The following DOCK7 variants were observed in gnomAD, a reference collection of about 807,000 sequenced individuals.
The protein encoded by DOCK7 is dedicator of cytokinesis protein 7.
Under a neutral mutation model 271.0 loss-of-function variants are expected in DOCK7, and 138 were observed. That is an observed-to-expected ratio of 0.51 (90% CI 0.44 to 0.59). The LOEUF (loss-of-function observed/expected upper bound fraction) is 0.59, where lower values mean the gene tolerates loss of function less well. Among genes scored for constraint, DOCK7 ranks in the 20% least tolerant of loss-of-function variants. DOCK7 has a pLI of 0.00. For missense variants in DOCK7, 2,066 were observed against 2,592.4 expected (o/e 0.80, Z 4.41); for synonymous variants, 823 against 876.1 (o/e 0.94, Z 1.07).
intron 21 of DOCK7, among the ~76,000 whole-genome samples, chr1:62,555,028 TAC>T (rs1646093540): frequency 6.6e-6 from 1 of 152,230 alleles, no homozygotes; most frequent in South Asian, 2.1e-4. Flanking sequence ...ATTAATGTCA[TAC>T]AGACATGTAT....
At chr1:62,604,175 G>A (rs774622274) in intron 14 of DOCK7, 13 of 1,613,146 alleles carry the variant, frequency 8.1e-6, no homozygotes, top group Non-Finnish European at 1.0e-5. Context: ...CAAAGATTTG[G>A]TGTTTTCTAC....
chr1:62,513,983 C>A, intron 31 of DOCK7, 85 bp from the exon 32 acceptor site: 1 of 1,241,736 alleles, frequency 8.1e-7, no homozygotes, highest in South Asian at 1.6e-5. Flanking sequence ...CTTCTAAAAA[C>A]AATAAAACAA....
chr1:62,459,096 A>C (rs543860015), intron 48 of DOCK7: 2 of 152,316 alleles, frequency 1.3e-5, no homozygotes, highest in South Asian at 4.1e-4. Flanking sequence ...AAAAATTGCA[A>C]AAGTTGGTTC....
intron 44 of DOCK7, among the ~76,000 whole-genome samples, chr1:62,477,281 C>G (rs148406834): frequency 6.6e-6 from 1 of 152,154 alleles, no homozygotes; most frequent in South Asian, 2.1e-4. Context: ...CTTTTACGTT[C>G]TAAAGATACC....
rs777731792 is a variant in DOCK7, at chr1:62,455,483, T to TA, written c.6381-28dup. On this transcript the variant is annotated intron_variant, in intron 49 of 49. Transcript: ENST00000635253. ...TGGGAAAAAAATGAGAGGACATAGT[T>TA]AGTTAAAGAGAACAATTTTTGCATA... 1.9e-6 allele frequency: 3 copies of TA among 1,609,290 alleles called. No individual in the cohort carries two copies. In the African/African-American group the frequency reaches 4.1e-5, roughly 22 times the overall value.
At chr1:62,642,172 G>A (rs1162728401) in intron 7 of DOCK7, among the ~76,000 whole-genome samples, 3 of 150,082 alleles carry the variant, frequency 2.0e-5, no homozygotes, top group African/African-American at 7.4e-5. Flanking sequence ...GCAATGGTGT[G>A]ATCTCTACTC....
At chr1:62,507,372 C>T (rs763709634) in intron 35 of DOCK7, among the ~76,000 whole-genome samples, 1 of 152,168 alleles carries the variant, frequency 6.6e-6, no homozygotes, top group Non-Finnish European at 1.5e-5. Flanking sequence ...CATCTTTGTG[C>T]CTAAGTGTTC....
rs1369787160 is a variant in DOCK7, at chr1:62,494,442, G to A, written c.5050C>T (p.Pro1684Ser). The change falls in exon 40 of 50, where the codon CCA (proline) becomes TCA (serine). Residue 1684 changes from proline to serine, a missense_variant. By Grantham distance (74) the Pro-to-Ser change is moderately conservative. Transcript: ENST00000635253. The part of the protein sequence containing the change: ...YRIAKGYQTS[P>S]DLRLTWLQNM... ...TGCAACCAGGTCAATCGCAGATCTG[G>A]AGAGGTCTGGTAACCCTTGGCAATT... 1 of 1,610,908 alleles carries A rather than the reference G, an allele frequency of 6.2e-7. No homozygotes were observed. Among genetic ancestry groups the A allele is most frequent in the Non-Finnish European group, 8.5e-7 (1 of 1,177,678 alleles).
intron 1 of DOCK7, among the ~76,000 whole-genome samples, chr1:62,685,418 G>A (rs906785346): frequency 6.6e-6 from 1 of 152,138 alleles, no homozygotes; most frequent in African/African-American, 2.4e-5. Context: ...TGATAACAAG[G>A]AAGAACCTTT....
intron 8 of DOCK7, among the ~76,000 whole-genome samples, chr1:62,636,034 C>T (rs945975339): frequency 6.6e-6 from 1 of 152,164 alleles, no homozygotes; most frequent in Non-Finnish European, 1.5e-5. Flanking sequence ...GGGCGGATCA[C>T]GAGGTCAGAA....
chr1:62,576,272 G>C (rs1646938770), intron 18 of DOCK7, among the ~76,000 whole-genome samples: 1 of 152,202 alleles, frequency 6.6e-6, no homozygotes, highest in South Asian at 2.1e-4. Context: ...AGTGGGAGAG[G>C]CTGCTATTTA....
chr1:62,517,925 C>T (rs898795961), intron 31 of DOCK7, among the ~76,000 whole-genome samples: 3 of 151,970 alleles, frequency 2.0e-5, no homozygotes, highest in Non-Finnish European at 2.9e-5. Context: ...TGTAACAGCC[C>T]GAAACTACAA....
At chr1:62,666,149 G>GCC (rs1659294373) in intron 1 of DOCK7, among the ~76,000 whole-genome samples, 5 of 152,088 alleles carry the variant, frequency 3.3e-5, no homozygotes, top group Non-Finnish European at 5.9e-5. Flanking sequence ...GGGCGACAGA[G>GCC]TGAGACTCTG....
intron 4 of DOCK7, 34 bp downstream of exon 4, chr1:62,653,691 T>C (rs368546060): frequency 9.1e-6 from 12 of 1,317,852 alleles, no homozygotes; most frequent in Middle Eastern, 1.9e-4. Context: ...TCTTACTCAA[T>C]ATTTGTAAAT....
chr1:62,622,759 T>C (rs969231588), intron 12 of DOCK7, among the ~76,000 whole-genome samples: 1 of 151,996 alleles, frequency 6.6e-6, no homozygotes, highest in East Asian at 1.9e-4. Context: ...TGAAACCCTG[T>C]CTCTACTAAA....
At chr1:62,675,811 C>A (rs1660492922) in intron 1 of DOCK7, among the ~76,000 whole-genome samples, 2 of 151,836 alleles carry the variant, frequency 1.3e-5, no homozygotes, top group African/African-American at 4.8e-5. Flanking sequence ...AGGCACTAGT[C>A]ATTAGGAAAA....
At chr1:62,587,494 C>T (rs1002983909) in intron 14 of DOCK7, among the ~76,000 whole-genome samples, 2 of 151,990 alleles carry the variant, frequency 1.3e-5, no homozygotes, top group African/African-American at 4.8e-5. Context: ...TTTGACCCAA[C>T]AAACACACCT....
At position 62,663,040 on chromosome 1, in the gene DOCK7, T is replaced by C. The variant is rs763114478; in HGVS notation, c.129A>G (p.Ile43Met). 1.2e-6 allele frequency: 2 copies of C among 1,611,536 alleles called. No homozygotes were observed. Among genetic ancestry groups the C allele is most frequent in the Admixed American group, 3.3e-5 (2 of 60,004 alleles). ...CGTTACTTACTGTGGTGTGATGGGA[T>C]ATATTGCCAACAATATTAAGGTTTT... is the stretch of plus-strand genomic sequence containing the variant. Reference protein sequence around the residue: ...LLKNLNIVGNISHHTTVPLTE... With the variant: ...LLKNLNIVGNMSHHTTVPLTE... The change falls in exon 2 of 50, where the codon ATA becomes ATG. Residue 43 changes from isoleucine to methionine, a missense_variant. Coordinates refer to ENST00000635253, the MANE Select transcript of DOCK7 (RefSeq NM_001367561.1).
At chr1:62,630,320 TGGCTGTGGTTTTC>T (rs1654463172) in intron 11 of DOCK7, among the ~76,000 whole-genome samples, 1 of 152,176 alleles carries the variant, frequency 6.6e-6, no homozygotes, top group South Asian at 2.1e-4. Flanking sequence ...CTTTTTCAAG[TGGCTGTGGTTTTC>T]GGTCCAGCTC....
Sources: allele counts gnomAD v4.1 joint callset (sites outside exome capture counted in the v4.1 genomes callset), GRCh38; gene constraint gnomAD v4.1.1; transcripts MANE v1.5; gene names NCBI Gene and HGNC (gene_info 2026-07-23, HGNC 2026-07-21).